PLAAT3: variants seen among roughly 807,000 people sequenced by gnomAD.
PLAAT3 encodes the protein Ca-independent phospholipase A1/2.
In PLAAT3, 21 loss-of-function variants were observed where a neutral mutation model predicts 16.7. The observed-to-expected ratio is 1.26, with a 90% CI of 0.89 to 1.81. The LOEUF (loss-of-function observed/expected upper bound fraction) is 1.81. PLAAT3 is among the 40% of genes most tolerant of loss of function. The pLI, the probability that PLAAT3 is intolerant of heterozygous loss-of-function variation, is 0.00. For synonymous variants in PLAAT3, 76 were observed against 81.7 expected (o/e 0.93, Z 0.38); for missense variants, 219 against 213.7 (o/e 1.02, Z -0.16).
Position 63,600,587 on chromosome 11 carries a change from TTTTTG to T in PLAAT3, c.16-2429_16-2425del, listed in dbSNP as rs111781962. ...CTACATCTTCATGGTTTTTTTGTTT[TTTTTG>T]TTTTGTTTTGTTTTGTTTTGTTTTG... On this transcript the variant is annotated intron_variant, in intron 2 of 4. Coordinates refer to ENST00000415826, the MANE Select transcript of PLAAT3 (RefSeq NM_001128203.2). Among the ~76,000 whole-genome samples the T allele has an allele frequency of 9.5e-3, 1,417 of 148,408 alleles. 25 individuals are homozygous for T. The highest frequency in any genetic ancestry group is 0.033 in the African/African-American group (1,307 of 39,976).
chr11:63,597,979 G>A, intron 3 of PLAAT3, 82 bp downstream of exon 3: 1 of 901,882 alleles, frequency 1.1e-6, no homozygotes, highest in East Asian at 2.4e-5. Context: ...GAATGTTGGG[G>A]TCACCTGTTA....
Position 63,590,305 on chromosome 11 carries a change from T to C in PLAAT3, c.182A>G (p.Lys61Arg). 1.2e-6 allele frequency: 2 copies of C among 1,614,174 alleles called. No homozygotes were observed. The highest frequency in any genetic ancestry group is 1.7e-6 in the Non-Finnish European group (2 of 1,179,976). ...GGCCACATCATACAGCAATTCCTTC[T>C]TCACGATGGCCTTGTCAGTCAGGGC... ...MSALTDKAIV[K>R]KELLYDVAGS... The change falls in exon 4 of 5, where the codon AAG becomes AGG. Residue 61 changes from lysine (K) to arginine (R), a missense_variant. Transcript: ENST00000415826.
intron 4 of PLAAT3, among the ~76,000 whole-genome samples, chr11:63,582,013 A>G (rs1035060526): frequency 6.6e-6 from 1 of 152,242 alleles, no homozygotes; most frequent in African/African-American, 2.4e-5. Flanking sequence ...TCTGGCCCAC[A>G]GAACTGTTGA....
chr11:63,606,241 T>C (rs970717148), intron 2 of PLAAT3, among the ~76,000 whole-genome samples: 1 of 152,098 alleles, frequency 6.6e-6, no homozygotes, highest in African/African-American at 2.4e-5. Flanking sequence ...GGCTCTGTGA[T>C]CAGGGCGTGG....
intron 4 of PLAAT3, among the ~76,000 whole-genome samples, chr11:63,578,803 T>C (rs2134390893): frequency 6.6e-6 from 1 of 151,470 alleles, no homozygotes; most frequent in South Asian, 2.1e-4. Context: ...ATTCAGGACA[T>C]AGGCATGGGC....
intron 4 of PLAAT3, among the ~76,000 whole-genome samples, chr11:63,588,177 C>A (rs1938034166): frequency 6.6e-6 from 1 of 152,120 alleles, no homozygotes; most frequent in East Asian, 1.9e-4. Flanking sequence ...TCAAGTGATT[C>A]TCTTGCCTCA....
rs2017637470 is a variant in PLAAT3 at position 63,574,853 on chromosome 11, C to A, written c.*92G>T. 6 of 758,994 alleles carry A rather than the reference C, an allele frequency of 7.9e-6. No individual in the cohort carries two copies. The highest frequency in any genetic ancestry group is 1.4e-5 in the Non-Finnish European group (6 of 428,182). 47.0% of individuals were successfully genotyped at this position (758,994 alleles called of 1,614,324 possible). ...TGAAAATAAGCCTTATTATAAATCA[C>A]AATGAAATCCACAAACCAAACCCCA... On this transcript the variant is annotated 3_prime_UTR_variant, in exon 5 of 5. Coordinates refer to ENST00000415826, the MANE Select transcript of PLAAT3 (RefSeq NM_001128203.2).
chr11:63,589,118 A>G (rs888894209), intron 4 of PLAAT3, among the ~76,000 whole-genome samples: 2 of 152,168 alleles, frequency 1.3e-5, no homozygotes, highest in Admixed American at 1.3e-4. Flanking sequence ...ATCCTCCAAG[A>G]TGAGTATTAT....
intron 2 of PLAAT3, among the ~76,000 whole-genome samples, chr11:63,609,000 C>T (rs756549583): frequency 3.3e-5 from 5 of 152,118 alleles, no homozygotes; most frequent in Non-Finnish European, 7.3e-5. Context: ...GGCTTGATAA[C>T]GTAGGAGCCA....
intron 2 of PLAAT3, among the ~76,000 whole-genome samples, chr11:63,605,964 T>A (rs1187604480): frequency 1.3e-5 from 2 of 152,150 alleles, no homozygotes; most frequent in South Asian, 2.1e-4. Flanking sequence ...TTCACGGGGT[T>A]CCTGACTCCA....
chr11:63,598,649 C>A (rs1257765189), intron 2 of PLAAT3: 3 of 515,638 alleles, frequency 5.8e-6, no homozygotes, highest in Non-Finnish European at 7.7e-6. Context: ...GGCTGATTCC[C>A]AGCCCAGTCT....
At chr11:63,605,398 A>AAAAAC (rs1938529525) in intron 2 of PLAAT3, among the ~76,000 whole-genome samples, 1 of 151,932 alleles carries the variant, frequency 6.6e-6, no homozygotes, top group African/African-American at 2.4e-5. Context: ...GACTGTCTCA[A>AAAAAC]AAAACAAAAC....
At chr11:63,577,965 A>C (rs773259426) in intron 4 of PLAAT3, among the ~76,000 whole-genome samples, 1 of 152,100 alleles carries the variant, frequency 6.6e-6, no homozygotes, top group Non-Finnish European at 1.5e-5. Flanking sequence ...AATAGAAACC[A>C]AAGGGAAAAA....
chr11:63,608,294 A>G (rs1201588826), intron 2 of PLAAT3, among the ~76,000 whole-genome samples: 2 of 152,192 alleles, frequency 1.3e-5, no homozygotes. Context: ...GAGACTGAAG[A>G]GTTGGGTTAA....
chr11:63,583,155 C>G (rs542326243), intron 4 of PLAAT3, among the ~76,000 whole-genome samples: 1 of 151,984 alleles, frequency 6.6e-6, no homozygotes, highest in Non-Finnish European at 1.5e-5. Flanking sequence ...TTTTAACAGA[C>G]AGAATTCATG....
intron 2 of PLAAT3, among the ~76,000 whole-genome samples, chr11:63,605,581 C>T (rs968687908): frequency 1.3e-5 from 2 of 151,956 alleles, no homozygotes; most frequent in Non-Finnish European, 2.9e-5. Flanking sequence ...GAGACGGAGT[C>T]TCGCACTGTC....
At chr11:63,580,043 A>G (rs1389923836) in intron 4 of PLAAT3, among the ~76,000 whole-genome samples, 2 of 152,160 alleles carry the variant, frequency 1.3e-5, no homozygotes, top group Non-Finnish European at 2.9e-5. Flanking sequence ...CCTCCCATGC[A>G]TCCTCTTACA....
In PLAAT3 at chr11:63,574,997, G is replaced by T; in HGVS notation, c.437C>A (p.Ala146Asp). ...GAACATGACTCCAATAAGGCTCATG[G>T]CTGCCAAGCCCATTCCTGCAACGCT... The part of the protein sequence containing the change: ...AASVAGMGLA[A>D]MSLIGVMFSR... Residue 146 changes from alanine to aspartate, a missense_variant, in exon 5 of 5, where the codon GCC (alanine) becomes GAC (aspartate). Coordinates refer to ENST00000415826, the MANE Select transcript of PLAAT3 (RefSeq NM_001128203.2). 1 of 1,613,670 alleles carries T rather than the reference G, an allele frequency of 6.2e-7. No homozygotes were observed. The highest frequency in any genetic ancestry group is 8.5e-7 in the Non-Finnish European group (1 of 1,179,570).
upstream of PLAAT3, among the ~76,000 whole-genome samples, chr11:63,615,114 A>G (rs868594111): frequency 5.3e-4 from 18 of 33,848 alleles, no homozygotes; most frequent in Non-Finnish European, 1.4e-3. Context: ...ATATGTGTGT[A>G]TATATGTGTG....
Sources: allele counts gnomAD v4.1 joint callset (sites outside exome capture counted in the v4.1 genomes callset), GRCh38; gene constraint gnomAD v4.1.1; transcripts MANE v1.5; gene names NCBI Gene and HGNC (gene_info 2026-07-23, HGNC 2026-07-21).